PTPRC: variants seen among roughly 807,000 people sequenced by gnomAD.
PTPRC encodes receptor-type tyrosine-protein phosphatase C.
PTPRC carries 44 observed loss-of-function variants against 155.9 expected under a neutral mutation model. That is an observed-to-expected ratio of 0.28 (90% confidence interval 0.22 to 0.36). PTPRC has a LOEUF of 0.36. Ranked by LOEUF, PTPRC falls within the 10% of genes least tolerant of loss-of-function variation. The pLI is 1.00. For synonymous variants in PTPRC, 525 were observed against 533.1 expected (o/e 0.98, Z 0.21); for missense variants, 1,401 against 1,564.6 (o/e 0.90, Z 1.76).
intron 26 of PTPRC, among the ~76,000 whole-genome samples, chr1:198,744,609 T>C (rs565048109): frequency 2.0e-5 from 3 of 152,046 alleles, no homozygotes; most frequent in South Asian, 2.1e-4. Flanking sequence ...GAAGTTGAAC[T>C]GGCTGGAGCT....
intron 3 of PTPRC, among the ~76,000 whole-genome samples, chr1:198,695,377 T>A (rs1259766395): frequency 6.8e-6 from 1 of 147,522 alleles, no homozygotes; most frequent in Non-Finnish European, 1.5e-5. Context: ...AATTAAATAT[T>A]TAAATTTTTT....
chr1:198,722,532 A>G, intron 15 of PTPRC, 56 bp downstream of exon 15: 2 of 1,014,964 alleles, frequency 2.0e-6, no homozygotes, highest in Non-Finnish European at 2.6e-6. Flanking sequence ...TAATGCTTAT[A>G]AAGCTATATT....
chr1:198,661,196 C>T (rs1213187871), intron 2 of PTPRC, among the ~76,000 whole-genome samples: 2 of 151,906 alleles, frequency 1.3e-5, no homozygotes, highest in Non-Finnish European at 2.9e-5. Context: ...CCTTTTTAAA[C>T]ATTCTTAAAC....
intron 2 of PTPRC, among the ~76,000 whole-genome samples, chr1:198,687,227 C>T (rs12127495): frequency 0.088 from 13,403 of 152,156 alleles, 615 homozygotes; most frequent in Non-Finnish European, 0.099. Flanking sequence ...TTCAAGCGAT[C>T]CAGCTGCCTC....
chr1:198,741,784 T>C (rs1654910302), intron 23 of PTPRC, 85 bp from the exon 24 acceptor site: 1 of 1,353,144 alleles, frequency 7.4e-7, no homozygotes. Context: ...GAGGAGACTT[T>C]GTACTGGTAC....
intron 2 of PTPRC, among the ~76,000 whole-genome samples, chr1:198,664,382 A>AG (rs1664155441): frequency 6.6e-6 from 1 of 152,198 alleles, no homozygotes; most frequent in Non-Finnish European, 1.5e-5. Flanking sequence ...GCTATGTGGG[A>AG]GAAAAACTAA....
At position 198,752,710 on chromosome 1, in the gene PTPRC, C is replaced by G. The variant is rs1420306223; in HGVS notation, c.3447C>G (p.Pro1149=). The G allele has an allele frequency of 1.9e-6, 3 of 1,612,868 alleles. No individual in the cohort carries two copies. The highest frequency in any genetic ancestry group is 2.5e-6 in the Non-Finnish European group (3 of 1,179,384). The change falls in exon 31 of 33, where the codon CCC becomes CCG. Residue 1149 remains proline, a synonymous_variant. Coordinates refer to ENST00000442510, the MANE Select transcript of PTPRC (RefSeq NM_002838.5). ...TTCAGGTCGTCAAACAAAAACTTCC[C>G]CAGAAGAATTCCTCTGAAGGGAACA... ...SMIQVVKQKL[P]QKNSSEGNKH...
Position 198,732,336 on chromosome 1 carries a change from G to A in PTPRC, c.2011G>A (p.Glu671Lys). 6.2e-7 allele frequency: 1 copy of A among 1,612,572 alleles called. No individual in the cohort carries two copies. The change falls in exon 19 of 33, where the codon GAA (glutamate) becomes AAA (lysine). Residue 671 changes from glutamate to lysine, a missense_variant. Coordinates refer to ENST00000442510, the MANE Select transcript of PTPRC (RefSeq NM_002838.5). Reference protein sequence around the residue: ...PRVFSKFPIKEARKPFNQNKN... With the variant: ...PRVFSKFPIKKARKPFNQNKN... ...GGTGTTCAGCAAGTTTCCTATAAAG[G>A]AAGCTCGAAAGCCCTTTAACCAGAA...
At chr1:198,669,394 C>T (rs772197081) in intron 2 of PTPRC, among the ~76,000 whole-genome samples, 14 of 152,146 alleles carry the variant, frequency 9.2e-5, no homozygotes, top group Non-Finnish European at 1.6e-4. Flanking sequence ...GCTTTCTGGC[C>T]TCCTTTCATG....
At chr1:198,749,352 C>T (rs1179134430) in intron 27 of PTPRC, 64 bp from the exon 28 acceptor site, 3 of 1,489,180 alleles carry the variant, frequency 2.0e-6, no homozygotes, top group African/African-American at 2.8e-5. Context: ...CAAATTTCCA[C>T]ATGACAATGA....
intron 14 of PTPRC, among the ~76,000 whole-genome samples, chr1:198,718,774 C>A (rs12094628): frequency 2.6e-5 from 4 of 152,070 alleles, no homozygotes; most frequent in African/African-American, 7.2e-5. Flanking sequence ...GTCTACTGAT[C>A]GTATTTTGTA....
intron 14 of PTPRC, among the ~76,000 whole-genome samples, chr1:198,722,063 T>G (rs1269649195): frequency 1.3e-5 from 2 of 151,256 alleles, no homozygotes; most frequent in African/African-American, 4.8e-5. Flanking sequence ...AATTTCCTTT[T>G]TTAATTAAAT....
At chr1:198,674,628 A>G (rs1664843137) in intron 2 of PTPRC, among the ~76,000 whole-genome samples, 1 of 150,976 alleles carries the variant, frequency 6.6e-6, no homozygotes, top group South Asian at 2.1e-4. Context: ...TGGTATGAAA[A>G]TGTCCCAATC....
At chr1:198,736,687 C>A (rs1654654418) in intron 23 of PTPRC, among the ~76,000 whole-genome samples, 1 of 151,666 alleles carries the variant, frequency 6.6e-6, no homozygotes, top group Non-Finnish European at 1.5e-5. Context: ...TGTTTCCTTT[C>A]TTTGCGGTAT....
At chr1:198,736,720 G>A (rs562214140) in intron 23 of PTPRC, among the ~76,000 whole-genome samples, 2 of 151,742 alleles carry the variant, frequency 1.3e-5, no homozygotes, top group South Asian at 4.1e-4. Flanking sequence ...GGGATTGCTG[G>A]ATCATATGGT....
chr1:198,720,905 T>C lies in PTPRC; in HGVS notation c.1660-1511T>C, dbSNP rs546588624. 2.0e-5 allele frequency among the ~76,000 whole-genome samples: 3 copies of C among 152,212 alleles called. No homozygotes were observed. The East Asian group carries it at 5.8e-4, about 29-fold the overall frequency. ...GCCCATTAAGCTCCAGGTGCACTGG[T>C]TTCTCTATAATTTCTCAGAGGCACC... On this transcript the variant is annotated intron_variant, in intron 14 of 32. Coordinates refer to ENST00000442510, the MANE Select transcript of PTPRC (RefSeq NM_002838.5).
At chr1:198,714,138 T>C (rs143236950) in intron 12 of PTPRC, among the ~76,000 whole-genome samples, 1 of 152,266 alleles carries the variant, frequency 6.6e-6, no homozygotes, top group East Asian at 1.9e-4. Context: ...GTCTGCCTCA[T>C]TGGACACCTC....
chr1:198,663,022 G>A (rs984187159), intron 2 of PTPRC, among the ~76,000 whole-genome samples: 1 of 152,126 alleles, frequency 6.6e-6, no homozygotes, highest in African/African-American at 2.4e-5. Flanking sequence ...CTGGCCAAAG[G>A]GGAGATTGAG....
intron 2 of PTPRC, among the ~76,000 whole-genome samples, chr1:198,640,607 T>C (rs923095729): frequency 6.6e-6 from 1 of 151,976 alleles, no homozygotes; most frequent in African/African-American, 2.4e-5. Flanking sequence ...TTAAAGCTTA[T>C]GATAATAAAA....
Sources: allele counts gnomAD v4.1 joint callset (sites outside exome capture counted in the v4.1 genomes callset), GRCh38; gene constraint gnomAD v4.1.1; transcripts MANE v1.5; gene names NCBI Gene and HGNC (gene_info 2026-07-23, HGNC 2026-07-21).